CACNA1C: variants seen among roughly 807,000 people sequenced by gnomAD.
The protein encoded by CACNA1C is calcium voltage-gated channel subunit alpha1 C.
Under a neutral mutation model 229.0 loss-of-function variants are expected in CACNA1C, and 30 were observed. The ratio of observed to expected loss-of-function variants is 0.13; its 90% CI spans 0.10 to 0.18. The LOEUF is 0.18. Among genes scored for constraint, CACNA1C ranks in the 10% least tolerant of loss-of-function variants. The probability of loss-of-function intolerance (pLI) is 1.00; values close to 1 mark genes in which losing one functional copy is unlikely to be tolerated. For synonymous variants in CACNA1C, 1,114 were observed against 1,132.5 expected (o/e 0.98, Z 0.33); for missense variants, 1,658 against 2,845.0 (o/e 0.58, Z 9.49).
rs962109297 is a variant in CACNA1C at position 2,608,445 on chromosome 12, G to C, written c.3357-66G>C. The C allele has an allele frequency of 3.2e-6, 4 of 1,235,562 alleles. No individual in the cohort carries two copies. In the African/African-American group the frequency reaches 6.0e-5, roughly 18 times the overall value. The allele number at this position is 1,235,562 out of a possible 1,614,324, so 76.5% of individuals were successfully genotyped here. A position where few individuals can be genotyped will look rare whatever the true frequency, so the allele number is the denominator to read the frequency against. On this transcript the variant is annotated intron_variant, in intron 26 of 46. Coordinates refer to ENST00000399655, the MANE Select transcript of CACNA1C (RefSeq NM_000719.7). This position sits in a 1 kb window ranked among gnomAD's most constrained non-coding sequence, Gnocchi z 4.2. ...TCCCTGGGATCCCTGGAGCAGTGGT[G>C]CCGTCCTTCCGCAGAGGGGACCCTG...
chr12:2,364,277 G>A (rs1477095092), intron 3 of CACNA1C, among the ~76,000 whole-genome samples: 1 of 152,172 alleles, frequency 6.6e-6, no homozygotes, highest in Admixed American at 6.5e-5. Context: ...AATGCAATAG[G>A]GAAAATGCAA....
At chr12:2,671,486 A>G (rs1347822249) in intron 38 of CACNA1C, among the ~76,000 whole-genome samples, 1 of 152,110 alleles carries the variant, frequency 6.6e-6, no homozygotes, top group Non-Finnish European at 1.5e-5. Context: ...TTACTCCCCT[A>G]TGTTCAGAGG....
intron 3 of CACNA1C, among the ~76,000 whole-genome samples, chr12:2,198,706 A>C (rs1034021611): frequency 6.6e-6 from 1 of 152,100 alleles, no homozygotes; most frequent in Non-Finnish European, 1.5e-5. Context: ...AGGGAGAGAC[A>C]GGGGGTTCTG....
At chr12:2,179,188 G>A (rs1464335283) in intron 3 of CACNA1C, among the ~76,000 whole-genome samples, 1 of 152,232 alleles carries the variant, frequency 6.6e-6, no homozygotes, top group Non-Finnish European at 1.5e-5. Flanking sequence ...TTGATGACTT[G>A]GAATCCAGTC....
chr12:2,074,477 C>A (rs1465747943), intron 1 of CACNA1C, among the ~76,000 whole-genome samples: 2 of 152,154 alleles, frequency 1.3e-5, no homozygotes, highest in Non-Finnish European at 2.9e-5. Context: ...AGTTGAATGG[C>A]AAGTCTGAGC....
intron 1 of CACNA1C, among the ~76,000 whole-genome samples, chr12:2,061,711 A>G (rs2057575188): frequency 6.6e-6 from 1 of 152,176 alleles, no homozygotes; most frequent in Non-Finnish European, 1.5e-5. Context: ...AAGTCCTTTC[A>G]TGGCCTGAAA....
At chr12:2,058,009 C>T (rs2154513869) in intron 1 of CACNA1C, among the ~76,000 whole-genome samples, 1 of 152,338 alleles carries the variant, frequency 6.6e-6, no homozygotes, top group East Asian at 1.9e-4. Context: ...GCCTGGATCT[C>T]CTGCTGGGTA....
chr12:2,254,593 T>A (rs1285596205), intron 3 of CACNA1C, among the ~76,000 whole-genome samples: 1 of 152,132 alleles, frequency 6.6e-6, no homozygotes, highest in Non-Finnish European at 1.5e-5. Context: ...TTGTCCAGGG[T>A]CCAGGCTTCC....
chr12:2,239,943 G>A (rs1749435244), intron 3 of CACNA1C, among the ~76,000 whole-genome samples: 1 of 152,200 alleles, frequency 6.6e-6, no homozygotes, highest in African/African-American at 2.4e-5. Flanking sequence ...GGGAAAAAAT[G>A]GAAAATGGAA....
At chr12:2,500,373 G>A (rs997044974) in intron 7 of CACNA1C, among the ~76,000 whole-genome samples, 10 of 152,182 alleles carry the variant, frequency 6.6e-5, no homozygotes, top group East Asian at 1.9e-4. Context: ...GACTAAGCTC[G>A]GGCCTTAGGA....
chr12:2,105,019 C>G (rs74585914), intron 1 of CACNA1C, among the ~76,000 whole-genome samples: 2,491 of 152,330 alleles, frequency 0.016, 29 homozygotes, highest in South Asian at 0.038. Flanking sequence ...TCAGGGTCCT[C>G]TCACCGAAGC....
chr12:2,175,493 AAGGG>A (rs1434302373), intron 3 of CACNA1C, among the ~76,000 whole-genome samples: 1 of 151,874 alleles, frequency 6.6e-6, no homozygotes, highest in Admixed American at 6.6e-5. Flanking sequence ...GTTTGTTTTG[AAGGG>A]AGGGTCAAGG....
chr12:2,288,084 A>G (rs556240910), intron 3 of CACNA1C: 1 of 152,226 alleles, frequency 6.6e-6, no homozygotes, highest in East Asian at 1.9e-4. Flanking sequence ...CTGAATCATC[A>G]AAGGGAACCG....
intron 3 of CACNA1C, among the ~76,000 whole-genome samples, chr12:2,361,299 T>G (rs2097550826): frequency 6.6e-6 from 1 of 152,176 alleles, no homozygotes. Context: ...TATCCCAGCC[T>G]TCCTCCTTAG....
chr12:2,055,705 A>G (rs1473138497), intron 1 of CACNA1C, among the ~76,000 whole-genome samples: 1 of 152,216 alleles, frequency 6.6e-6, no homozygotes, highest in African/African-American at 2.4e-5. Flanking sequence ...GGCAACCTGA[A>G]TTCCAGTTCT....
chr12:2,289,469 G>A (rs2093198266), intron 3 of CACNA1C, among the ~76,000 whole-genome samples: 1 of 152,138 alleles, frequency 6.6e-6, no homozygotes, highest in Admixed American at 6.5e-5. Context: ...ATAGAGAAGA[G>A]CTGCAGAGTC....
intron 1 of CACNA1C, among the ~76,000 whole-genome samples, chr12:2,105,904 G>A (rs1276514908): frequency 3.6e-5 from 1 of 27,634 alleles, no homozygotes; most frequent in Admixed American, 2.9e-4. Context: ...CCCACCCCGG[G>A]GAGGGTTTCC....
intron 3 of CACNA1C, among the ~76,000 whole-genome samples, chr12:2,157,686 A>T (rs1282766153): frequency 1.3e-5 from 2 of 152,250 alleles, no homozygotes; most frequent in East Asian, 1.9e-4. Flanking sequence ...ACAATGTCCC[A>T]TCAGTTTTTG....
chr12:2,192,007 CAT>C (rs775087382), intron 3 of CACNA1C, among the ~76,000 whole-genome samples: 9 of 151,992 alleles, frequency 5.9e-5, no homozygotes, highest in African/African-American at 1.2e-4. Flanking sequence ...TATTCACACA[CAT>C]ACGTTCACAC....
Sources: allele counts gnomAD v4.1 joint callset (sites outside exome capture counted in the v4.1 genomes callset), GRCh38; gene constraint gnomAD v4.1.1; non-coding constraint Gnocchi (gnomAD v3.1); transcripts MANE v1.5; gene names NCBI Gene and HGNC (gene_info 2026-07-23, HGNC 2026-07-21).